FAF1: variants seen among roughly 807,000 people sequenced by gnomAD.
FAF1 encodes FAS-associated factor 1.
FAF1 carries 25 observed loss-of-function variants against 92.5 expected under a neutral mutation model. The observed-to-expected ratio is 0.27, with a 90% CI of 0.20 to 0.38. The LOEUF is 0.38. Among genes scored for constraint, FAF1 ranks in the 10% least tolerant of loss-of-function variants. The probability of loss-of-function intolerance (pLI) is 1.00; values close to 1 mark genes in which losing one functional copy is unlikely to be tolerated. For synonymous variants in FAF1, 234 were observed against 273.2 expected (o/e 0.86, Z 1.42); for missense variants, 636 against 793.3 (o/e 0.80, Z 2.38).
chr1:50,448,804 T>G (rs1201305726), intron 18 of FAF1, among the ~76,000 whole-genome samples: 2 of 152,226 alleles, frequency 1.3e-5, no homozygotes, highest in African/African-American at 4.8e-5. Flanking sequence ...ATTGGTCTTA[T>G]GTCTTTCAAT....
At chr1:50,468,694 C>T (rs1351070367) in intron 18 of FAF1, among the ~76,000 whole-genome samples, 2 of 152,000 alleles carry the variant, frequency 1.3e-5, no homozygotes, top group Non-Finnish European at 2.9e-5. Context: ...CTCCTGACCT[C>T]GTGATCCACC....
chr1:50,648,731 A>G (rs1351353958), intron 8 of FAF1, among the ~76,000 whole-genome samples: 4 of 152,176 alleles, frequency 2.6e-5, no homozygotes, highest in Non-Finnish European at 5.9e-5. Context: ...GTTCAAGACC[A>G]GCCTGACCAA....
chr1:50,606,665 A>C (rs1206320992), intron 8 of FAF1, among the ~76,000 whole-genome samples: 1 of 151,638 alleles, frequency 6.6e-6, no homozygotes, highest in Non-Finnish European at 1.5e-5. Context: ...ACACCTGGCT[A>C]ATTTTTTTGT....
At chr1:50,786,131 C>CAAA (rs538951297) in intron 4 of FAF1, among the ~76,000 whole-genome samples, 2 of 130,064 alleles carry the variant, frequency 1.5e-5, no homozygotes, top group Admixed American at 7.9e-5. Context: ...GACCCTGTCT[C>CAAA]AAAAAAAAAA....
chr1:50,775,273 T>C (rs1164869334), intron 4 of FAF1, among the ~76,000 whole-genome samples: 1 of 152,068 alleles, frequency 6.6e-6, no homozygotes, highest in African/African-American at 2.4e-5. Flanking sequence ...ATTTGTTTCC[T>C]CAACAAGCAC....
rs61612294 is a variant in FAF1, at chr1:50,447,121, C to CTTTTTTTTTTTTTTTTTTTTT, written c.1870-5619_1870-5599dup. Among the ~76,000 whole-genome samples, 17 of 112,856 alleles carry CTTTTTTTTTTTTTTTTTTTTT rather than the reference C, an allele frequency of 1.5e-4. 1 individual carries two copies. The highest frequency in any genetic ancestry group is 5.8e-4 in the South Asian group (2 of 3,472). 74.0% of individuals were successfully genotyped at this position (112,856 alleles called of 152,430 possible). A position where few individuals can be genotyped will look rare whatever the true frequency, so the allele number is the denominator to read the frequency against. On this transcript the variant is annotated intron_variant, in intron 18 of 18. Transcript: ENST00000396153. ...AGAGGCTTCTCAAAACATATTCCTG[C>CTTTTTTTTTTTTTTTTTTTTT]TTTTTTTTTTTTTTTTTTTTTTGAG...
chr1:50,949,121 T>C (rs1645194069), intron 1 of FAF1, among the ~76,000 whole-genome samples: 1 of 152,186 alleles, frequency 6.6e-6, no homozygotes, highest in South Asian at 2.1e-4. Context: ...AGCTCAGCAA[T>C]TCTCAAGTGT....
chr1:50,851,323 T>C (rs967644172), intron 2 of FAF1, among the ~76,000 whole-genome samples: 2 of 152,158 alleles, frequency 1.3e-5, no homozygotes, highest in Admixed American at 6.5e-5. Context: ...CCCACTCGCA[T>C]TGGCTTCCCA....
At chr1:50,906,578 T>C (rs1644840634) in intron 1 of FAF1, among the ~76,000 whole-genome samples, 2 of 152,226 alleles carry the variant, frequency 1.3e-5, no homozygotes, top group South Asian at 4.1e-4. Context: ...GTAGTTCTCC[T>C]TGAAGAGGTC....
chr1:50,512,387 T>A (rs748413391), intron 15 of FAF1, among the ~76,000 whole-genome samples: 26 of 152,220 alleles, frequency 1.7e-4, no homozygotes, highest in Non-Finnish European at 3.5e-4. Context: ...TACATTTAAG[T>A]CTTTAATCCA....
At chr1:50,561,553 C>T (rs1479111699) in intron 13 of FAF1, among the ~76,000 whole-genome samples, 5 of 152,052 alleles carry the variant, frequency 3.3e-5, no homozygotes, top group Admixed American at 6.6e-5. Context: ...TGTGGCCGGG[C>T]GCAGGGGCTC....
At chr1:50,853,970 T>G (rs1303931392) in intron 2 of FAF1, among the ~76,000 whole-genome samples, 1 of 152,042 alleles carries the variant, frequency 6.6e-6, no homozygotes, top group African/African-American at 2.4e-5. Context: ...TCATGGAAGC[T>G]TGAGTATAAT....
chr1:50,790,291 G>A (rs1197186012), intron 3 of FAF1, among the ~76,000 whole-genome samples: 5 of 152,016 alleles, frequency 3.3e-5, no homozygotes, highest in Non-Finnish European at 7.4e-5. Flanking sequence ...ACAGGTGTGC[G>A]CCACCACGCC....
chr1:50,957,224 C>T (rs1448883420), intron 1 of FAF1, among the ~76,000 whole-genome samples: 1 of 151,752 alleles, frequency 6.6e-6, no homozygotes, highest in African/African-American at 2.4e-5. Flanking sequence ...ATTAGGCAAA[C>T]AATTGTTCAC....
chr1:50,919,615 G>A (rs955799363), intron 1 of FAF1, among the ~76,000 whole-genome samples: 1 of 151,876 alleles, frequency 6.6e-6, no homozygotes, highest in African/African-American at 2.4e-5. Context: ...AGCCTCCCGA[G>A]TAGCTGGGAT....
intron 1 of FAF1, among the ~76,000 whole-genome samples, chr1:50,876,131 G>A (rs537026338): frequency 2.8e-4 from 43 of 152,272 alleles, no homozygotes; most frequent in African/African-American, 1.0e-3. Context: ...AGAAAATAAA[G>A]GTATGCATTC....
At chr1:50,653,872 A>G (rs1654986574) in intron 8 of FAF1, among the ~76,000 whole-genome samples, 1 of 151,994 alleles carries the variant, frequency 6.6e-6, no homozygotes, top group African/African-American at 2.4e-5. Context: ...TCCAAGTCAA[A>G]AATAAATAAA....
chr1:50,655,631 G>T, intron 7 of FAF1, 103 bp from the exon 8 acceptor site: 1 of 680,832 alleles, frequency 1.5e-6, no homozygotes, highest in Non-Finnish European at 2.4e-6. Flanking sequence ...TTTTCTTCTA[G>T]ATTCAAAACA....
At chr1:50,836,170 G>GTTTTTTTTTTTGTTTTTTTTTTTTTT (rs1644200946) in intron 2 of FAF1, among the ~76,000 whole-genome samples, 2 of 98,526 alleles carry the variant, frequency 2.0e-5, no homozygotes, top group African/African-American at 8.5e-5. Context: ...TTTTGTTTCT[G>GTTTTTTTTTTTGTTTTTTTTTTTTTT]TTTTTTTTTT....
Sources: gnomAD v4.1 joint callset for allele counts (sites outside exome capture counted in the v4.1 genomes callset) on GRCh38, gnomAD v4.1.1 for gene constraint, MANE v1.5 for transcripts, NCBI Gene and HGNC (gene_info 2026-07-23, HGNC 2026-07-21) for gene names.